Variants in ZNF18 observed in about 807,000 individuals in gnomAD.
ZNF18 encodes zinc finger protein 18.
In ZNF18, 42 loss-of-function variants were observed where a neutral mutation model predicts 58.1. That is an observed-to-expected ratio of 0.72 (90% CI 0.56 to 0.93). The LOEUF is 0.93. Ranked by LOEUF, ZNF18 falls within the 40% of genes least tolerant of loss-of-function variation. The pLI is 0.00. For synonymous variants in ZNF18, 231 were observed against 239.8 expected (o/e 0.96, Z 0.34); for missense variants, 540 against 644.2 (o/e 0.84, Z 1.75).
chr17:11,998,457 G>T (rs1362063580), upstream of ZNF18: 4 of 152,044 alleles, frequency 2.6e-5, no homozygotes, highest in Non-Finnish European at 5.9e-5. Flanking sequence ...AAAATTTAAA[G>T]AAGAGCTGTC....
intron 5 of ZNF18, among the ~76,000 whole-genome samples, chr17:11,983,848 C>T (rs1339701270): frequency 1.3e-5 from 2 of 152,106 alleles, no homozygotes; most frequent in Non-Finnish European, 2.9e-5. Flanking sequence ...AATGAGAATA[C>T]CATCATCAAT....
At chr17:11,982,325 AC>A (rs2151471912) in intron 6 of ZNF18, among the ~76,000 whole-genome samples, 1 of 151,976 alleles carries the variant, frequency 6.6e-6, no homozygotes, top group African/African-American at 2.4e-5. Context: ...AACACTACCC[AC>A]CCCTACATCT....
chr17:12,003,817 T>G, the ZNF18 span, among the ~76,000 whole-genome samples: 140 of 152,372 alleles, frequency 9.2e-4, 1 homozygote, highest in Non-Finnish European at 1.3e-3. Context: ...TAAGCTTCAC[T>G]GGTATTGAAT....
At chr17:12,018,726 T>C in the ZNF18 span, among the ~76,000 whole-genome samples, 1 of 152,226 alleles carries the variant, frequency 6.6e-6, no homozygotes, top group Non-Finnish European at 1.5e-5. Context: ...ATCAAAGTGC[T>C]TTCTTGTTTT....
intron 4 of ZNF18, 48 bp from the exon 5 acceptor site, chr17:11,984,245 GGTGTTTGAACCTGCCTTC>G (rs1967578579): frequency 6.4e-7 from 1 of 1,561,970 alleles, no homozygotes; most frequent in Non-Finnish European, 8.7e-7. Flanking sequence ...CTCCAATGAA[GGTGTTTGAACCTGCCTTC>G]CCTGCCTAAA....
chr17:11,999,843 GC>G (rs1384003120), upstream of ZNF18, among the ~76,000 whole-genome samples: 13 of 152,206 alleles, frequency 8.5e-5, no homozygotes, highest in Non-Finnish European at 1.8e-4. Context: ...GATAAAACAG[GC>G]TTGAATCCAG....
chr17:12,017,955 C>A, the ZNF18 span, among the ~76,000 whole-genome samples: 1 of 152,062 alleles, frequency 6.6e-6, no homozygotes, highest in African/African-American at 2.4e-5. Context: ...GATTTCTCAA[C>A]AAAGGTTCTC....
At chr17:12,009,357 TGTATCATTTGGACCTCTA>T in the ZNF18 span, among the ~76,000 whole-genome samples, 5 of 152,168 alleles carry the variant, frequency 3.3e-5, no homozygotes, top group East Asian at 9.6e-4. Flanking sequence ...TATTCCAAAT[TGTATCATTTGGACCTCTA>T]GAAAACAGGG....
In ZNF18 at chr17:11,977,972, CT is replaced by C. The variant is rs781068194; in HGVS notation, c.1634del (p.Lys545ArgfsTer8). 1.3e-6 allele frequency: 2 copies of C among 1,569,570 alleles called. No homozygotes were observed. The highest frequency in any genetic ancestry group is 1.9e-5 in the Admixed American group (1 of 52,524). On this transcript the variant is annotated frameshift_variant, in exon 7 of 7. Coordinates refer to ENST00000580306, the MANE Select transcript of ZNF18 (RefSeq NM_001303281.2). LOFTEE classifies it high-confidence loss of function. ...LDKHQRSHLG[K>X]KPFQ ...TGGTTACTGGCTATTGAAAGGGCTT[CT>C]TTCCTAAGTGGGATCTTTGATGTTT... is the stretch of plus-strand genomic sequence containing the variant.
intron 4 of ZNF18, among the ~76,000 whole-genome samples, chr17:11,986,975 G>C (rs956768947): frequency 8.5e-5 from 13 of 152,284 alleles, no homozygotes; most frequent in African/African-American, 3.1e-4. Flanking sequence ...ATTTACTCAA[G>C]AAACTGCCAA....
chr17:11,978,840 CT>C (rs56969015), intron 6 of ZNF18, 96 bp from the exon 7 acceptor site: 4,185 of 120,112 alleles, frequency 0.035, 5 homozygotes, highest in South Asian at 0.074. Flanking sequence ...CATTCATTTT[CT>C]TTTTTTTTTT....
the ZNF18 span, among the ~76,000 whole-genome samples, chr17:12,020,233 C>T: frequency 6.6e-6 from 1 of 152,102 alleles, no homozygotes; most frequent in Admixed American, 6.5e-5. Context: ...ATATGCTTCT[C>T]AAATTTAATG....
At chr17:12,016,118 G>A in the ZNF18 span, among the ~76,000 whole-genome samples, 1 of 152,016 alleles carries the variant, frequency 6.6e-6, no homozygotes, top group Admixed American at 6.6e-5. Flanking sequence ...TTTTTCTTTT[G>A]ATGTAAAATT....
the ZNF18 span, among the ~76,000 whole-genome samples, chr17:12,016,754 T>C: frequency 4.6e-5 from 7 of 152,186 alleles, no homozygotes; most frequent in South Asian, 2.1e-4. Context: ...GGTCAGACCA[T>C]GGTATTCACT....
At chr17:11,997,133 G>C (rs952015514) in intron 1 of ZNF18, 2 of 152,420 alleles carry the variant, frequency 1.3e-5, no homozygotes, top group Non-Finnish European at 2.9e-5. Flanking sequence ...CAGCGGGGAG[G>C]AGCCCGTTTT....
chr17:12,020,804 A>G, the ZNF18 span: 1 of 583,722 alleles, frequency 1.7e-6, no homozygotes, highest in East Asian at 3.7e-5. Context: ...AGGCGGGGGT[A>G]AGCCTCGCCC....
rs1294303560 is a variant in ZNF18 at position 11,977,888 on chromosome 17, T to C, written c.*69A>G. ...GGTATCCTCTTAGACACAATTCCTC[T>C]TGATGGAGCTGAGTATTTTTGTGAC... On this transcript the variant is annotated 3_prime_UTR_variant, in exon 7 of 7. Coordinates refer to ENST00000580306, the MANE Select transcript of ZNF18 (RefSeq NM_001303281.2). 4.0e-6 allele frequency: 6 copies of C among 1,500,472 alleles called. No homozygotes were observed. Among genetic ancestry groups the C allele is most frequent in the African/African-American group, 2.8e-5 (2 of 71,266 alleles). The allele number at this position is 1,500,472 out of a possible 1,614,324, so 92.9% of individuals were successfully genotyped here.
In ZNF18 at chr17:11,992,785, C is replaced by T. The variant is rs1451404735; in HGVS notation, c.45G>A (p.Leu15=). The change falls in exon 2 of 7, where the codon CTG becomes CTA. Residue 15 remains leucine (L), a synonymous_variant. Transcript: ENST00000580306. ...LGQALGLLPS[L]AKAEDSQFSE... ...AGAACTGGGAGTCCTCGGCCTTCGCCAGCGATGGCAGCAGGCCTAGGGCCT... is the reference window on the plus strand; with the variant it reads ...AGAACTGGGAGTCCTCGGCCTTCGCTAGCGATGGCAGCAGGCCTAGGGCCT... 1.2e-6 allele frequency: 2 copies of T among 1,613,846 alleles called. No homozygotes were observed. Among genetic ancestry groups the T allele is most frequent in the Non-Finnish European group, 1.7e-6 (2 of 1,180,046 alleles).
At chr17:12,020,778 G>A in the ZNF18 span, 2 of 448,660 alleles carry the variant, frequency 4.5e-6, no homozygotes, top group African/African-American at 2.0e-5. Context: ...TCCGGGGCGT[G>A]TCGGAGGCGG....
Sources: allele counts gnomAD v4.1 joint callset (sites outside exome capture counted in the v4.1 genomes callset), GRCh38; gene constraint gnomAD v4.1.1; transcripts MANE v1.5; gene names NCBI Gene and HGNC (gene_info 2026-07-23, HGNC 2026-07-21).